The following CDH18 variants were observed in gnomAD, a reference collection of about 807,000 sequenced individuals.
The protein encoded by CDH18 is cadherin 18, also known as cadherin-18.
In CDH18, 31 loss-of-function variants were observed where a neutral mutation model predicts 67.9. The observed-to-expected ratio is 0.46, with a 90% CI of 0.34 to 0.62. CDH18 has a LOEUF of 0.62. Among genes scored for constraint, CDH18 ranks in the 20% least tolerant of loss-of-function variants. The probability of loss-of-function intolerance (pLI) is 0.01; values close to 1 mark genes in which losing one functional copy is unlikely to be tolerated. For missense variants in CDH18, 890 were observed against 975.5 expected (o/e 0.91, Z 1.17); for synonymous variants, 362 against 347.2 (o/e 1.04, Z -0.48).
chr5:20,187,262 G>A (rs1297642900), intron 2 of CDH18, among the ~76,000 whole-genome samples: 1 of 151,722 alleles, frequency 6.6e-6, no homozygotes, highest in African/African-American at 2.4e-5. Flanking sequence ...AGATAAAAAT[G>A]GCTAAAATGG....
chr5:19,787,827 A>ATATG (rs930469995), intron 3 of CDH18, among the ~76,000 whole-genome samples: 1 of 149,938 alleles, frequency 6.7e-6, no homozygotes, highest in Non-Finnish European at 1.5e-5. Flanking sequence ...ATATATATAT[A>ATATG]TGTTTACATG....
intron 4 of CDH18, among the ~76,000 whole-genome samples, chr5:19,729,461 A>G (rs970362946): frequency 6.6e-6 from 1 of 152,206 alleles, no homozygotes; most frequent in African/African-American, 2.4e-5. Flanking sequence ...TACTTGACCC[A>G]GTCAAGATCT....
chr5:20,372,305 G>A (rs1235580825), intron 1 of CDH18, among the ~76,000 whole-genome samples: 1 of 151,948 alleles, frequency 6.6e-6, no homozygotes, highest in Non-Finnish European at 1.5e-5. Context: ...ATTGTAATTA[G>A]GATAGATATC....
chr5:20,473,143 C>G (rs1195403289), intron 1 of CDH18, among the ~76,000 whole-genome samples: 1 of 152,014 alleles, frequency 6.6e-6, no homozygotes, highest in African/African-American at 2.4e-5. Flanking sequence ...TCAAACATAG[C>G]ACTATCTAGT....
intron 6 of CDH18, among the ~76,000 whole-genome samples, chr5:19,603,609 C>T (rs1005458016): frequency 6.6e-6 from 1 of 151,450 alleles, no homozygotes; most frequent in African/African-American, 2.4e-5. Context: ...GAAGAAGAGA[C>T]ACAACAAATG....
chr5:19,865,054 A>C (rs1441656068), intron 2 of CDH18, among the ~76,000 whole-genome samples: 1 of 152,040 alleles, frequency 6.6e-6, no homozygotes, highest in Non-Finnish European at 1.5e-5. Flanking sequence ...ATGCACAGAC[A>C]CCTTTTTACT....
At chr5:19,701,444 T>A (rs1305015766) in intron 5 of CDH18, among the ~76,000 whole-genome samples, 1 of 151,850 alleles carries the variant, frequency 6.6e-6, no homozygotes, top group Non-Finnish European at 1.5e-5. Flanking sequence ...GAGACCCTTA[T>A]GAAATAAAAA....
chr5:20,403,294 G>A (rs1745937437), intron 1 of CDH18, among the ~76,000 whole-genome samples: 1 of 152,014 alleles, frequency 6.6e-6, no homozygotes, highest in Non-Finnish European at 1.5e-5. Flanking sequence ...CCAACTGTTA[G>A]TGTAGGTTCA....
At chr5:20,007,590 A>C (rs1245072728) in intron 2 of CDH18, among the ~76,000 whole-genome samples, 2 of 152,138 alleles carry the variant, frequency 1.3e-5, no homozygotes, top group Non-Finnish European at 2.9e-5. Flanking sequence ...AAGTGTGAAT[A>C]GTGCAGAATT....
chr5:20,441,900 G>T (rs146288150), intron 1 of CDH18, among the ~76,000 whole-genome samples: 1 of 151,636 alleles, frequency 6.6e-6, no homozygotes, highest in African/African-American at 2.4e-5. Context: ...CCAATAAAAT[G>T]ATTATTAAAA....
chr5:19,876,770 C>A (rs1787055879), intron 2 of CDH18, among the ~76,000 whole-genome samples: 1 of 152,080 alleles, frequency 6.6e-6, no homozygotes, highest in African/African-American at 2.4e-5. Flanking sequence ...AGGGAAAACT[C>A]AGGTAGGGAC....
Position 19,550,050 on chromosome 5 carries a change from A to C in CDH18, c.1254-6045T>G, listed in dbSNP as rs113268017. Among the ~76,000 whole-genome samples, 618 of 152,182 alleles carry C rather than the reference A, an allele frequency of 4.1e-3. 9 individuals are homozygous for C. The highest frequency in any genetic ancestry group is 0.014 in the African/African-American group (592 of 41,554). ...TATTAGAGAAAAACAGAGAGAAAGA[A>C]AGATCTTAAATCTGGTTTGGAATTC... On this transcript the variant is annotated intron_variant, in intron 8 of 12. Transcript: ENST00000382275.
chr5:20,451,971 A>G (rs1000576876), intron 1 of CDH18, among the ~76,000 whole-genome samples: 5 of 152,192 alleles, frequency 3.3e-5, no homozygotes, highest in African/African-American at 4.8e-5. Context: ...TTCTGCATAT[A>G]GTTCTTTAAG....
At chr5:19,710,973 A>T (rs1343905525) in intron 5 of CDH18, among the ~76,000 whole-genome samples, 20 of 152,118 alleles carry the variant, frequency 1.3e-4, no homozygotes, top group Admixed American at 1.3e-3. Context: ...CTGATCTTTT[A>T]AAAAACCAAC....
At chr5:19,514,555 G>T (rs1745646255) in intron 10 of CDH18, among the ~76,000 whole-genome samples, 3 of 152,134 alleles carry the variant, frequency 2.0e-5, no homozygotes, top group Admixed American at 1.3e-4. Context: ...GTGTGAGATG[G>T]TATCTCATTG....
chr5:19,971,523 G>C (rs1321756657), intron 2 of CDH18, among the ~76,000 whole-genome samples: 1 of 151,986 alleles, frequency 6.6e-6, no homozygotes, highest in East Asian at 1.9e-4. Flanking sequence ...GCGAAACTTG[G>C]TACATCAGTG....
At chr5:19,526,170 A>AT (rs1430477891) in intron 9 of CDH18, among the ~76,000 whole-genome samples, 2 of 152,168 alleles carry the variant, frequency 1.3e-5, no homozygotes, top group Non-Finnish European at 2.9e-5. Context: ...AACGGTAACT[A>AT]TGTCAACTTT....
intron 8 of CDH18, among the ~76,000 whole-genome samples, chr5:19,545,525 A>C (rs1336062172): frequency 6.6e-6 from 1 of 152,252 alleles, no homozygotes; most frequent in African/African-American, 2.4e-5. Context: ...TTATTTGTCA[A>C]CTTGGACAAA....
chr5:19,773,089 C>A (rs1245780520), intron 3 of CDH18, among the ~76,000 whole-genome samples: 1 of 152,026 alleles, frequency 6.6e-6, no homozygotes, highest in African/African-American at 2.4e-5. Flanking sequence ...CATACATAAT[C>A]ATAGGATAAA....
Sources: gnomAD v4.1 joint callset for allele counts (sites outside exome capture counted in the v4.1 genomes callset) on GRCh38, gnomAD v4.1.1 for gene constraint, MANE v1.5 for transcripts, NCBI Gene and HGNC (gene_info 2026-07-23, HGNC 2026-07-21) for gene names.